Variants in PAFAH1B1 observed in about 807,000 individuals in gnomAD.
PAFAH1B1 encodes the protein platelet activating factor acetylhydrolase 1b regulatory subunit 1, also known as platelet-activating factor acetylhydrolase IB subunit beta.
In PAFAH1B1, 2 loss-of-function variants were observed where a neutral mutation model predicts 57.5. The ratio of observed to expected loss-of-function variants is 0.03; its 90% confidence interval spans 0.01 to 0.11. The LOEUF (loss-of-function observed/expected upper bound fraction) is 0.11, where lower values mean the gene tolerates loss of function less well. PAFAH1B1 is among the 10% of genes least tolerant of loss of function. The probability of loss-of-function intolerance (pLI) is 1.00; values close to 1 mark genes in which losing one functional copy is unlikely to be tolerated. For synonymous variants in PAFAH1B1, 152 were observed against 169.6 expected, an observed-to-expected ratio of 0.90 and a Z score of 0.81; for missense variants, 257 against 512.0, an observed-to-expected ratio of 0.50 and a Z score of 4.81.
At chr17:2,615,581 C>G (rs890592457) in intron 1 of PAFAH1B1, among the ~76,000 whole-genome samples, 7 of 152,088 alleles carry the variant, frequency 4.6e-5, no homozygotes, top group African/African-American at 1.7e-4. Context: ...GCTGAGACTG[C>G]AGGGGCCTGC....
chr17:2,617,424 G>A (rs549269830), intron 1 of PAFAH1B1, among the ~76,000 whole-genome samples: 5 of 152,306 alleles, frequency 3.3e-5, no homozygotes, highest in African/African-American at 1.2e-4. Context: ...GAAAAGCGAG[G>A]AGATGGTGAA....
At chr17:2,677,708 G>A (rs2069291703) in intron 9 of PAFAH1B1, among the ~76,000 whole-genome samples, 1 of 151,750 alleles carries the variant, frequency 6.6e-6, no homozygotes, top group South Asian at 2.1e-4. Context: ...CAAAAAATTA[G>A]CCGGGCATCC....
chr17:2,614,660 G>T (rs2068315054), intron 1 of PAFAH1B1, among the ~76,000 whole-genome samples: 1 of 151,472 alleles, frequency 6.6e-6, no homozygotes, highest in African/African-American at 2.4e-5. Context: ...CCAAAGCCTT[G>T]AACTCCTGGG....
intron 1 of PAFAH1B1, among the ~76,000 whole-genome samples, chr17:2,630,773 T>A (rs1229100560): frequency 6.6e-6 from 1 of 152,226 alleles, no homozygotes; most frequent in East Asian, 1.9e-4. Flanking sequence ...TTTAAGATAA[T>A]CCCAGACGTC....
intron 2 of PAFAH1B1, among the ~76,000 whole-genome samples, chr17:2,664,435 T>C (rs2069067465): frequency 6.6e-6 from 1 of 150,758 alleles, no homozygotes; most frequent in East Asian, 2.0e-4. Flanking sequence ...AGAAGGAATC[T>C]TGCTCTGTTG....
intron 1 of PAFAH1B1, among the ~76,000 whole-genome samples, chr17:2,606,333 G>T (rs551187506): frequency 3.3e-5 from 5 of 151,974 alleles, no homozygotes; most frequent in African/African-American, 1.2e-4. Flanking sequence ...TGAGACCTAT[G>T]CCCAATGGAA....
At chr17:2,679,021 C>G (rs1353682695) in intron 9 of PAFAH1B1, among the ~76,000 whole-genome samples, 4 of 152,202 alleles carry the variant, frequency 2.6e-5, no homozygotes, top group Non-Finnish European at 5.9e-5. Context: ...TGTATGTAAT[C>G]TTAATATTAT....
chr17:2,641,203 GCA>G (rs1206651653), intron 2 of PAFAH1B1: 1 of 152,038 alleles, frequency 6.6e-6, no homozygotes, highest in African/African-American at 2.4e-5. Context: ...AGGCTGGAGT[GCA>G]CAGAGTGCAG....
intron 1 of PAFAH1B1, among the ~76,000 whole-genome samples, chr17:2,597,312 A>T (rs2068093979): frequency 6.6e-6 from 1 of 152,006 alleles, no homozygotes; most frequent in East Asian, 1.9e-4. Flanking sequence ...TTTCCAGATA[A>T]AATATCTCTA....
Position 2,600,344 on chromosome 17 carries a change from C to T in PAFAH1B1, c.-191+6338C>T, listed in dbSNP as rs953395787. On this transcript the variant is annotated intron_variant, in intron 1 of 10. Coordinates refer to ENST00000397195, the MANE Select transcript of PAFAH1B1 (RefSeq NM_000430.4). ...ATCCCAGGACTTTGGGAGGCCAAGG[C>T]GGGCAGAAGGTGATCAGGAGTTCCA... is the stretch of plus-strand genomic sequence containing the variant. Among the ~76,000 whole-genome samples the T allele has an allele frequency of 4.0e-5, 6 of 151,812 alleles. No homozygotes were observed. The South Asian group carries it at 6.2e-4, about 16-fold the overall frequency.
chr17:2,670,068 C>T, intron 5 of PAFAH1B1, 95 bp from the exon 6 acceptor site: 1 of 955,656 alleles, frequency 1.0e-6, no homozygotes, highest in South Asian at 1.3e-5. Flanking sequence ...CGGTTAGTTA[C>T]TCAGTAAGGT....
chr17:2,614,021 G>GGTT (rs765716773), intron 1 of PAFAH1B1: 17 of 96,972 alleles, frequency 1.8e-4, no homozygotes, highest in African/African-American at 7.6e-4. Flanking sequence ...TATATATTGG[G>GGTT]TTTTTTTTTT....
At chr17:2,600,042 C>T (rs1012479610) in intron 1 of PAFAH1B1, among the ~76,000 whole-genome samples, 14 of 132,970 alleles carry the variant, frequency 1.1e-4, no homozygotes, top group African/African-American at 3.2e-4. Context: ...TGCAGTGTCT[C>T]GATCTCAGCT....
intron 6 of PAFAH1B1, among the ~76,000 whole-genome samples, chr17:2,670,683 G>A (rs1056363103): frequency 2.0e-5 from 3 of 152,110 alleles, no homozygotes; most frequent in African/African-American, 4.8e-5. Flanking sequence ...GAGTGAAAAC[G>A]AGCCCAGATT....
chr17:2,664,024 C>T (rs1464291931), intron 2 of PAFAH1B1, among the ~76,000 whole-genome samples: 1 of 152,048 alleles, frequency 6.6e-6, no homozygotes, highest in Non-Finnish European at 1.5e-5. Context: ...TTGTGATTTG[C>T]CCGCCTCGGC....
At chr17:2,641,764 G>A (rs1288189270) in intron 2 of PAFAH1B1, 1 of 152,142 alleles carries the variant, frequency 6.6e-6, no homozygotes, top group Non-Finnish European at 1.5e-5. Context: ...ACGGGCACTA[G>A]GTATGGGCAT....
At chr17:2,669,188 A>G (rs957835622) in intron 5 of PAFAH1B1, among the ~76,000 whole-genome samples, 2 of 152,266 alleles carry the variant, frequency 1.3e-5, no homozygotes, top group Non-Finnish European at 2.9e-5. Flanking sequence ...GTATTATAAA[A>G]TGAGGACAGA....
At chr17:2,672,612 G>A in intron 6 of PAFAH1B1, 43 bp from the exon 7 acceptor site, 1 of 1,276,148 alleles carries the variant, frequency 7.8e-7, no homozygotes, top group Non-Finnish European at 1.1e-6. Flanking sequence ...CATTGCTCTT[G>A]GTGGTATATT....
chr17:2,619,536 G>GTTTTTTTTTTT (rs774865216), intron 1 of PAFAH1B1, among the ~76,000 whole-genome samples: 3 of 45,898 alleles, frequency 6.5e-5, no homozygotes, highest in Non-Finnish European at 1.9e-4. Context: ...GCCCTTACCT[G>GTTTTTTTTTTT]TTTTTTTTTT....
Sources: allele counts gnomAD v4.1 joint callset (sites outside exome capture counted in the v4.1 genomes callset), GRCh38; gene constraint gnomAD v4.1.1; transcripts MANE v1.5; gene names NCBI Gene and HGNC (gene_info 2026-07-23, HGNC 2026-07-21).